The following OXR1 variants were observed in gnomAD, a reference collection of about 807,000 sequenced individuals.
OXR1 encodes oxidation resistance protein 1.
A neutral mutation model predicts 104.6 loss-of-function variants in OXR1; 41 were observed. That is an observed-to-expected ratio of 0.39 (90% CI 0.31 to 0.51). The LOEUF (loss-of-function observed/expected upper bound fraction) is 0.51, where lower values mean the gene tolerates loss of function less well. Among genes scored for constraint, OXR1 ranks in the 20% least tolerant of loss-of-function variants. The pLI, the probability that OXR1 is intolerant of heterozygous loss-of-function variation, is 0.77. For synonymous variants in OXR1, 348 were observed against 348.4 expected (o/e 1.00, Z 0.01); for missense variants, 955 against 1,031.9 (o/e 0.93, Z 1.02).
At chr8:106,475,200 C>T (rs2510818) in intron 2 of OXR1, among the ~76,000 whole-genome samples, 81,391 of 151,704 alleles carry the variant, frequency 0.54, 24,153 homozygotes, top group Non-Finnish European at 0.68. Flanking sequence ...TAGCCTACTG[C>T]TGGCCAGAAG....
chr8:106,453,146 C>G (rs974296514), intron 2 of OXR1, among the ~76,000 whole-genome samples: 18 of 152,178 alleles, frequency 1.2e-4, no homozygotes, highest in African/African-American at 3.6e-4. Context: ...CCTTGGAGAT[C>G]TTTTCCATCT....
At chr8:106,649,825 T>C (rs1471784990) in intron 3 of OXR1, among the ~76,000 whole-genome samples, 2 of 151,998 alleles carry the variant, frequency 1.3e-5, no homozygotes, top group Non-Finnish European at 2.9e-5. Context: ...GCCTCCCAAA[T>C]AGCTGGGACT....
chr8:106,587,309 G>A (rs1818705911), intron 3 of OXR1, among the ~76,000 whole-genome samples: 1 of 152,048 alleles, frequency 6.6e-6, no homozygotes, highest in African/African-American at 2.4e-5. Flanking sequence ...AAGATTATCA[G>A]TGGAGATTAA....
chr8:106,550,052 T>C (rs139859302), intron 3 of OXR1, among the ~76,000 whole-genome samples: 1 of 152,224 alleles, frequency 6.6e-6, no homozygotes, highest in South Asian at 2.1e-4. Flanking sequence ...GTGAGGCAGA[T>C]GCTATTGTAA....
intron 1 of OXR1, among the ~76,000 whole-genome samples, chr8:106,315,008 G>A (rs746022052): frequency 6.6e-6 from 1 of 151,996 alleles, no homozygotes; most frequent in African/African-American, 2.4e-5. Context: ...ACTGTTTTAA[G>A]CATGTGGAAG....
chr8:106,568,568 G>A (rs548659354), intron 3 of OXR1, among the ~76,000 whole-genome samples: 2 of 152,078 alleles, frequency 1.3e-5, no homozygotes, highest in Non-Finnish European at 2.9e-5. Flanking sequence ...GGCAGCTCTT[G>A]AAGAGAGTTG....
At chr8:106,454,991 A>G (rs569564585) in intron 2 of OXR1, among the ~76,000 whole-genome samples, 2 of 152,334 alleles carry the variant, frequency 1.3e-5, no homozygotes, top group African/African-American at 4.8e-5. Flanking sequence ...AACTAACACT[A>G]TAGTACTTTT....
intron 3 of OXR1, chr8:106,522,950 G>A (rs562141322): frequency 1.3e-5 from 2 of 152,330 alleles, no homozygotes; most frequent in Admixed American, 6.5e-5. Context: ...GTGTCTCAAG[G>A]CTAAAGACAG....
At chr8:106,564,626 C>T (rs1053394943) in intron 3 of OXR1, among the ~76,000 whole-genome samples, 2 of 152,148 alleles carry the variant, frequency 1.3e-5, no homozygotes, top group Admixed American at 6.5e-5. Context: ...CTCCCTAACT[C>T]GTTTTATGAG....
In OXR1 at chr8:106,653,612, C is replaced by T. The variant is rs1824810187; in HGVS notation, c.221-25598C>T. Among the ~76,000 whole-genome samples, 4 of 151,728 alleles carry T rather than the reference C, an allele frequency of 2.6e-5. No homozygotes were observed. In the South Asian group the frequency reaches 8.3e-4, roughly 31 times the overall value. ...GGTGCTTCCTAAACTAGAGTAAGGG[C>T]ATCTACAAAAAAACGATGTATAATA... On this transcript the variant is annotated intron_variant, in intron 3 of 16. Coordinates refer to ENST00000517566, the MANE Select transcript of OXR1 (RefSeq NM_001198533.2).
intron 11 of OXR1, among the ~76,000 whole-genome samples, chr8:106,723,210 G>A (rs1832976875): frequency 6.6e-6 from 1 of 152,022 alleles, no homozygotes; most frequent in African/African-American, 2.4e-5. Flanking sequence ...ACAAAAATTA[G>A]GCCAGGTGCG....
intron 3 of OXR1, among the ~76,000 whole-genome samples, chr8:106,668,176 A>T (rs756575301): frequency 2.0e-5 from 3 of 152,016 alleles, no homozygotes; most frequent in Middle Eastern, 3.2e-3. Context: ...CCACTTTTTT[A>T]TAACTTATTA....
intron 1 of OXR1, among the ~76,000 whole-genome samples, chr8:106,330,647 T>C (rs1020951379): frequency 6.6e-6 from 1 of 152,234 alleles, no homozygotes; most frequent in Non-Finnish European, 1.5e-5. Flanking sequence ...GAACTTCTTC[T>C]AGATTATGAC....
intron 3 of OXR1, among the ~76,000 whole-genome samples, chr8:106,521,750 G>C (rs772418010): frequency 6.6e-6 from 1 of 152,132 alleles, no homozygotes; most frequent in African/African-American, 2.4e-5. Flanking sequence ...CTGACCTCAA[G>C]ATCTGCCCAC....
At chr8:106,625,534 T>C (rs3110421) in intron 3 of OXR1, among the ~76,000 whole-genome samples, 91,330 of 152,100 alleles carry the variant, frequency 0.6, 28,532 homozygotes, top group African/African-American at 0.79. Context: ...ATTCTCTGTT[T>C]AGCCACATTT....
intron 2 of OXR1, among the ~76,000 whole-genome samples, chr8:106,359,941 CT>C (rs1816168726): frequency 6.6e-6 from 1 of 152,116 alleles, no homozygotes; most frequent in Non-Finnish European, 1.5e-5. Context: ...TTCAGTATTC[CT>C]TGCTATCGGT....
chr8:106,605,836 C>CA (rs1263976521), intron 3 of OXR1, among the ~76,000 whole-genome samples: 2 of 151,138 alleles, frequency 1.3e-5, no homozygotes, highest in African/African-American at 2.4e-5. Flanking sequence ...AAAGGAAACA[C>CA]AAAAAACACC....
intron 16 of OXR1, 41 bp from the exon 17 acceptor site, chr8:106,750,765 T>G: frequency 7.0e-7 from 1 of 1,437,692 alleles, no homozygotes; most frequent in Middle Eastern, 1.8e-4. Context: ...TTTTATAACT[T>G]AAGGCATAAA....
intron 1 of OXR1, among the ~76,000 whole-genome samples, chr8:106,299,532 C>T (rs1813143015): frequency 6.6e-6 from 1 of 152,080 alleles, no homozygotes; most frequent in Non-Finnish European, 1.5e-5. Context: ...CCATCTGATA[C>T]TAGGTGTGTA....
Sources: allele counts gnomAD v4.1 joint callset (sites outside exome capture counted in the v4.1 genomes callset), GRCh38; gene constraint gnomAD v4.1.1; transcripts MANE v1.5; gene names NCBI Gene and HGNC (gene_info 2026-07-23, HGNC 2026-07-21).